The following DPP6 variants were observed in gnomAD, a reference collection of about 807,000 sequenced individuals.
DPP6 encodes A-type potassium channel modulatory protein DPP6.
Under a neutral mutation model 122.6 loss-of-function variants are expected in DPP6, and 69 were observed. That is an observed-to-expected ratio of 0.56 (90% CI 0.46 to 0.69). DPP6 has a LOEUF of 0.69. Ranked by LOEUF, DPP6 falls within the 30% of genes least tolerant of loss-of-function variation. DPP6 has a pLI of 0.00. For missense variants in DPP6, 928 were observed against 1,116.9 expected, an observed-to-expected ratio of 0.83 and a Z score of 2.41; for synonymous variants, 418 against 433.1, an observed-to-expected ratio of 0.97 and a Z score of 0.43.
chr7:154,581,862 G>A (rs1351038651), intron 5 of DPP6, among the ~76,000 whole-genome samples: 1 of 152,186 alleles, frequency 6.6e-6, no homozygotes, highest in Non-Finnish European at 1.5e-5. Flanking sequence ...TTACCGAAAA[G>A]GCCCCATTCT....
At chr7:154,035,763 C>T (rs922817784) in intron 1 of DPP6, among the ~76,000 whole-genome samples, 2 of 152,188 alleles carry the variant, frequency 1.3e-5, no homozygotes, top group African/African-American at 2.4e-5. Context: ...CACAGAAATC[C>T]ACAAAGATTA....
intron 1 of DPP6, among the ~76,000 whole-genome samples, chr7:154,036,096 C>A (rs1799512111): frequency 6.6e-6 from 1 of 151,768 alleles, no homozygotes; most frequent in Non-Finnish European, 1.5e-5. Context: ...TAACAATCCA[C>A]AAATTGCCTG....
chr7:154,301,746 A>G (rs1354929345), intron 1 of DPP6, among the ~76,000 whole-genome samples: 1 of 138,740 alleles, frequency 7.2e-6, no homozygotes, highest in African/African-American at 2.7e-5. Context: ...AGGCAGTCCT[A>G]TTTCATTATG....
At chr7:154,622,724 G>T (rs1267777483) in intron 5 of DPP6, among the ~76,000 whole-genome samples, 1 of 152,132 alleles carries the variant, frequency 6.6e-6, no homozygotes, top group African/African-American at 2.4e-5. Context: ...TTCGTTTATG[G>T]GGAAGCAGTA....
At chr7:154,167,320 C>G (rs986800507) in intron 1 of DPP6, among the ~76,000 whole-genome samples, 2 of 152,208 alleles carry the variant, frequency 1.3e-5, no homozygotes, top group Non-Finnish European at 2.9e-5. Context: ...TAGCCAGTAG[C>G]TTAGCAAGTG....
chr7:154,063,623 G>T (rs1272277121), intron 1 of DPP6, among the ~76,000 whole-genome samples: 1 of 134,012 alleles, frequency 7.5e-6, no homozygotes, highest in African/African-American at 2.8e-5. Flanking sequence ...CCCCCACGAG[G>T]CAGGGACTGA....
At chr7:154,014,193 T>A (rs75496869) in intron 1 of DPP6, among the ~76,000 whole-genome samples, 13,758 of 146,420 alleles carry the variant, frequency 0.094, 707 homozygotes, top group East Asian at 0.17. Flanking sequence ...TGATGAGAAC[T>A]GTGGGAATTT....
At chr7:154,748,431 C>T (rs995527480) in intron 8 of DPP6, among the ~76,000 whole-genome samples, 2 of 152,232 alleles carry the variant, frequency 1.3e-5, no homozygotes, top group African/African-American at 4.8e-5. Context: ...CTCCTGCCGC[C>T]ACCCACACTG....
intron 1 of DPP6, among the ~76,000 whole-genome samples, chr7:154,270,557 G>T (rs1803718338): frequency 6.6e-6 from 1 of 152,126 alleles, no homozygotes; most frequent in Non-Finnish European, 1.5e-5. Context: ...AGGATGCTCA[G>T]GTCTAAGGCT....
intron 1 of DPP6, among the ~76,000 whole-genome samples, chr7:154,144,193 G>T (rs765937953): frequency 6.6e-6 from 1 of 152,010 alleles, no homozygotes; most frequent in Admixed American, 6.6e-5. Flanking sequence ...GCCTCTTTGT[G>T]TTCATTTAGC....
At chr7:154,495,639 C>A (rs1211352265) in intron 3 of DPP6, among the ~76,000 whole-genome samples, 1 of 152,158 alleles carries the variant, frequency 6.6e-6, no homozygotes. Flanking sequence ...ATCCATCCAC[C>A]TTGATCTCCC....
At chr7:154,229,157 A>C (rs1800776028) in intron 1 of DPP6, among the ~76,000 whole-genome samples, 2 of 152,184 alleles carry the variant, frequency 1.3e-5, no homozygotes. Context: ...AACAAGCAAA[A>C]TGCCTTGAGC....
Position 154,203,821 on chromosome 7 carries a change from G to A in DPP6, c.243+150758G>A, listed in dbSNP as rs1181138846. Among the ~76,000 whole-genome samples, 6 of 152,128 alleles carry A rather than the reference G, an allele frequency of 3.9e-5. No individual in the cohort carries two copies. The South Asian group carries it at 6.2e-4, about 16-fold the overall frequency. ...AACTGCAGCTCACACCTGTAACCCC[G>A]TTTCCCTCCTCAAGTCGTCTACATT... On this transcript the variant is annotated intron_variant, in intron 1 of 25. Coordinates refer to ENST00000377770, the MANE Select transcript of DPP6 (RefSeq NM_130797.4).
the DPP6 span, among the ~76,000 whole-genome samples, chr7:153,864,672 T>TACACACAC: frequency 5.1e-4 from 69 of 135,272 alleles, no homozygotes; most frequent in Non-Finnish European, 6.9e-4. Context: ...ATAATAATAA[T>TACACACAC]ACACACACAC....
chr7:154,166,892 C>A (rs924282978), intron 1 of DPP6, among the ~76,000 whole-genome samples: 6 of 148,244 alleles, frequency 4.0e-5, no homozygotes, highest in Non-Finnish European at 8.8e-5. Flanking sequence ...GCCTGAGCGA[C>A]AGAGTGAGAT....
At chr7:154,595,335 G>A (rs905386585) in intron 5 of DPP6, among the ~76,000 whole-genome samples, 1 of 152,100 alleles carries the variant, frequency 6.6e-6, no homozygotes, top group Non-Finnish European at 1.5e-5. Flanking sequence ...TGGACTCAAC[G>A]CCAGGGAAAT....
At chr7:154,630,648 G>C (rs546697201) in intron 5 of DPP6, among the ~76,000 whole-genome samples, 3 of 152,280 alleles carry the variant, frequency 2.0e-5, no homozygotes, top group African/African-American at 7.2e-5. Context: ...CATGGATGAA[G>C]CTGGAAGCCA....
chr7:154,174,810 CCT>C (rs949625437), intron 1 of DPP6, among the ~76,000 whole-genome samples: 7 of 152,012 alleles, frequency 4.6e-5, no homozygotes, highest in African/African-American at 1.7e-4. Flanking sequence ...CTGCCTCTCT[CCT>C]CTCTTCTCTT....
intron 7 of DPP6, among the ~76,000 whole-genome samples, chr7:154,674,380 T>A (rs544811740): frequency 6.6e-6 from 1 of 152,316 alleles, no homozygotes; most frequent in East Asian, 1.9e-4. Context: ...GTGGCCTTCC[T>A]TGTTCTTGGC....
Sources: gnomAD v4.1 joint callset for allele counts (sites outside exome capture counted in the v4.1 genomes callset) on GRCh38, gnomAD v4.1.1 for gene constraint, MANE v1.5 for transcripts, NCBI Gene and HGNC (gene_info 2026-07-23, HGNC 2026-07-21) for gene names.